CEP170: variants seen among roughly 807,000 people sequenced by gnomAD.
The protein encoded by CEP170 is centrosomal protein of 170 kDa.
CEP170 carries 21 observed loss-of-function variants against 151.9 expected under a neutral mutation model. That is an observed-to-expected ratio of 0.14 (90% CI 0.10 to 0.20). The LOEUF (loss-of-function observed/expected upper bound fraction) is 0.20, where lower values mean the gene tolerates loss of function less well. CEP170 is among the 10% of genes least tolerant of loss of function. The pLI, the probability that CEP170 is intolerant of heterozygous loss-of-function variation, is 1.00. For synonymous variants in CEP170, 356 were observed against 648.8 expected (o/e 0.55, Z 6.86); for missense variants, 964 against 1,892.9 (o/e 0.51, Z 9.11).
intron 14 of CEP170, among the ~76,000 whole-genome samples, chr1:243,143,213 C>T (rs768779130): frequency 3.5e-4 from 53 of 152,032 alleles, no homozygotes; most frequent in Non-Finnish European, 6.6e-4. Context: ...GAACCCTGCA[C>T]TCTTTCGTAG....
chr1:243,224,466 T>A (rs893231229), intron 2 of CEP170, among the ~76,000 whole-genome samples: 12 of 150,242 alleles, frequency 8.0e-5, no homozygotes, highest in African/African-American at 2.5e-5. Flanking sequence ...AAAAAAAAAA[T>A]TGCAAAAAAA....
At chr1:243,190,725 C>A (rs547127339) in intron 8 of CEP170, among the ~76,000 whole-genome samples, 2 of 152,002 alleles carry the variant, frequency 1.3e-5, no homozygotes, top group Non-Finnish European at 1.5e-5. Context: ...GGGAACTCTA[C>A]TGGTAAACTT....
intron 4 of CEP170, among the ~76,000 whole-genome samples, chr1:243,206,158 T>C (rs1289180501): frequency 2.0e-5 from 3 of 152,174 alleles, no homozygotes; most frequent in Non-Finnish European, 4.4e-5. Context: ...TTTTTTGAGA[T>C]GGAGTCTCTC....
intron 17 of CEP170, 200 bp downstream of exon 17, chr1:243,135,943 T>C (rs2055016821): frequency 3.7e-6 from 2 of 541,896 alleles, no homozygotes; most frequent in African/African-American, 2.0e-5. Context: ...TGAAGTACTG[T>C]TGAATAAAAT....
At chr1:243,231,099 G>A (rs201326174) in intron 1 of CEP170, among the ~76,000 whole-genome samples, 4 of 147,322 alleles carry the variant, frequency 2.7e-5, no homozygotes, top group Non-Finnish European at 3.0e-5. Context: ...GAAAGGAGAA[G>A]AAAAAAAAAA....
chr1:243,238,184 C>A (rs1237649783), intron 1 of CEP170, among the ~76,000 whole-genome samples: 2 of 151,880 alleles, frequency 1.3e-5, no homozygotes, highest in Non-Finnish European at 2.9e-5. Flanking sequence ...CTAGGCACAG[C>A]CAGCCTAAAG....
At chr1:243,182,926 A>T (rs1177560934) in intron 10 of CEP170, among the ~76,000 whole-genome samples, 3 of 152,158 alleles carry the variant, frequency 2.0e-5, no homozygotes, top group Non-Finnish European at 4.4e-5. Flanking sequence ...GTGAAGCAGT[A>T]ATAAAGCTTA....
chr1:243,233,438 T>C (rs1379137708), intron 1 of CEP170, among the ~76,000 whole-genome samples: 1 of 152,066 alleles, frequency 6.6e-6, no homozygotes, highest in African/African-American at 2.4e-5. Flanking sequence ...TTACTGCTTT[T>C]TAAAAATATT....
intron 13 of CEP170, 144 bp downstream of exon 13, chr1:243,164,140 C>A: frequency 6.5e-6 from 7 of 1,076,258 alleles, no homozygotes; most frequent in Non-Finnish European, 8.5e-6. Context: ...GACCCCCCAC[C>A]GCCGCTGCCC....
intron 1 of CEP170, among the ~76,000 whole-genome samples, chr1:243,230,038 C>G (rs1315197757): frequency 1.3e-5 from 2 of 151,952 alleles, no homozygotes; most frequent in East Asian, 3.9e-4. Context: ...TCCAGATCTA[C>G]CACAACATAA....
Position 243,189,352 on chromosome 1 carries a change from C to G in CEP170, c.1108+1666G>C, listed in dbSNP as rs554678264. Among the ~76,000 whole-genome samples the G allele has an allele frequency of 3.8e-4, 57 of 151,968 alleles. No individual in the cohort carries two copies. The East Asian group carries it at 7.2e-3, about 19-fold the overall frequency. On this transcript the variant is annotated intron_variant, in intron 8 of 19. Transcript: ENST00000366542. ...TGGGTGGATCACGAGGTCAGGAGAT[C>G]AAGACCATCCTGGCTAACACGGTGA...
intron 1 of CEP170, among the ~76,000 whole-genome samples, chr1:243,245,722 A>T (rs925001783): frequency 6.6e-6 from 1 of 151,950 alleles, no homozygotes; most frequent in African/African-American, 2.4e-5. Flanking sequence ...TCAAGAAAAC[A>T]AAACAAACAA....
chr1:243,232,051 C>T (rs2149068284), intron 1 of CEP170, among the ~76,000 whole-genome samples: 1 of 152,178 alleles, frequency 6.6e-6, no homozygotes, highest in South Asian at 2.1e-4. Flanking sequence ...GCAACCTCCA[C>T]CTCCCAAGCT....
intron 3 of CEP170, among the ~76,000 whole-genome samples, chr1:243,216,912 C>T (rs1014977641): frequency 6.6e-6 from 1 of 152,138 alleles, no homozygotes; most frequent in Non-Finnish European, 1.5e-5. Context: ...CTAAAGTATT[C>T]GGAGGATACA....
At position 243,199,023 on chromosome 1, in the gene CEP170, T is replaced by C. The variant is rs2060842035; in HGVS notation, c.631+37A>G. On this transcript the variant is annotated intron_variant, in intron 7 of 19. Transcript: ENST00000366542. ...CTTAGATTACAGATACTTCCCAAAA[T>C]ATCCACTTAATGTCACAGTGACTGA... 7 of 1,088,850 alleles carry C rather than the reference T, an allele frequency of 6.4e-6. No individual in the cohort carries two copies. The East Asian group carries it at 1.5e-4, about 23-fold the overall frequency. The allele number at this position is 1,088,850 out of a possible 1,614,324, so 67.4% of individuals were successfully genotyped here. A position where few individuals can be genotyped will look rare whatever the true frequency, so the allele number is the denominator to read the frequency against.
At chr1:243,238,374 G>C (rs185055739) in intron 1 of CEP170, among the ~76,000 whole-genome samples, 1 of 152,096 alleles carries the variant, frequency 6.6e-6, no homozygotes, top group Non-Finnish European at 1.5e-5. Flanking sequence ...TAGGAAGATC[G>C]CTTGGGCCCA....
At chr1:243,234,889 A>G (rs532758158) in intron 1 of CEP170, among the ~76,000 whole-genome samples, 1 of 152,318 alleles carries the variant, frequency 6.6e-6, no homozygotes, top group South Asian at 2.1e-4. Context: ...GCATTTATTG[A>G]CTACTTAATA....
rs1158974602 is a variant in CEP170, at chr1:243,212,091, T to A, written c.196-127A>T. 3 of 1,083,504 alleles carry A rather than the reference T, an allele frequency of 2.8e-6. No individual in the cohort carries two copies. The African/African-American group carries it at 4.9e-5, about 18-fold the overall frequency. 67.1% of individuals were successfully genotyped at this position (1,083,504 alleles called of 1,614,324 possible). On this transcript the variant is annotated intron_variant, in intron 3 of 19. Transcript: ENST00000366542. ...TACGGTGGCTAATACAGCCTGAGTA[T>A]CATAAGATGTGCCATGCAGCCTGTA...
intron 1 of CEP170, among the ~76,000 whole-genome samples, chr1:243,230,324 A>G (rs1412982384): frequency 6.6e-6 from 1 of 151,282 alleles, no homozygotes; most frequent in African/African-American, 2.4e-5. Flanking sequence ...AAATAAAAAT[A>G]AGATACAAAA....
Sources: allele counts gnomAD v4.1 joint callset (sites outside exome capture counted in the v4.1 genomes callset), GRCh38; gene constraint gnomAD v4.1.1; transcripts MANE v1.5; gene names NCBI Gene and HGNC (gene_info 2026-07-23, HGNC 2026-07-21).